The following SNX24 variants were observed in gnomAD, a reference collection of about 807,000 sequenced individuals.
The protein encoded by SNX24 is sorting nexin 24.
In SNX24, 22 loss-of-function variants were observed where a neutral mutation model predicts 28.7. The observed-to-expected ratio is 0.77, with a 90% confidence interval of 0.55 to 1.10. The LOEUF is 1.10. Ranked by LOEUF, SNX24 falls within the 50% of genes least tolerant of loss-of-function variation. SNX24 has a pLI of 0.00. For missense variants in SNX24, 221 were observed against 201.1 expected (o/e 1.10, Z -0.60); for synonymous variants, 69 against 71.5 (o/e 0.96, Z 0.18).
intron 3 of SNX24, among the ~76,000 whole-genome samples, chr5:122,959,273 T>C (rs908629990): frequency 6.6e-6 from 1 of 151,100 alleles, no homozygotes; most frequent in Admixed American, 6.6e-5. Flanking sequence ...TTCATTTAGG[T>C]TATACGATTT....
At chr5:123,018,394 A>G (rs887604223) in intron 5 of SNX24, among the ~76,000 whole-genome samples, 1 of 152,124 alleles carries the variant, frequency 6.6e-6, no homozygotes, top group Non-Finnish European at 1.5e-5. Context: ...GTCATTTTCA[A>G]ATAGAGATAT....
intron 3 of SNX24, among the ~76,000 whole-genome samples, chr5:122,970,335 A>T (rs1286011249): frequency 6.6e-6 from 1 of 151,986 alleles, no homozygotes; most frequent in Non-Finnish European, 1.5e-5. Flanking sequence ...CCCGTTTAGA[A>T]TGCGGCATAC....
At chr5:123,003,505 T>G (rs1466771221) in intron 6 of SNX24, among the ~76,000 whole-genome samples, 3 of 152,212 alleles carry the variant, frequency 2.0e-5, no homozygotes, top group Non-Finnish European at 2.9e-5. Flanking sequence ...CCACAAGCAC[T>G]TTTTCCATGT....
chr5:122,895,623 C>T (rs1223028548), intron 1 of SNX24, among the ~76,000 whole-genome samples: 1 of 152,178 alleles, frequency 6.6e-6, no homozygotes, highest in Non-Finnish European at 1.5e-5. Flanking sequence ...GCAGGGGACA[C>T]GTCTGCAAAG....
chr5:122,917,025 T>G (rs980094914), intron 1 of SNX24, among the ~76,000 whole-genome samples: 3 of 152,020 alleles, frequency 2.0e-5, no homozygotes, highest in Admixed American at 2.0e-4. Flanking sequence ...TCCCAACACT[T>G]TGAGAGGCTG....
intron 1 of SNX24, among the ~76,000 whole-genome samples, chr5:122,909,872 T>C (rs963203377): frequency 6.6e-6 from 1 of 152,228 alleles, no homozygotes; most frequent in Non-Finnish European, 1.5e-5. Context: ...GCAGATCTTG[T>C]AGTAATGACA....
intron 3 of SNX24, among the ~76,000 whole-genome samples, chr5:122,973,646 T>C (rs375200913): frequency 1.3e-5 from 2 of 152,188 alleles, no homozygotes; most frequent in African/African-American, 4.8e-5. Context: ...TTCCATTTAA[T>C]GGTGAAAAGC....
intron 5 of SNX24, among the ~76,000 whole-genome samples, chr5:123,024,818 A>G (rs962256858): frequency 3.3e-5 from 5 of 152,310 alleles, no homozygotes; most frequent in African/African-American, 9.6e-5. Context: ...ATAAAATGAA[A>G]CATGGAAGAG....
chr5:122,981,317 C>T (rs1452023413), intron 3 of SNX24, among the ~76,000 whole-genome samples: 5 of 152,084 alleles, frequency 3.3e-5, no homozygotes, highest in Non-Finnish European at 7.3e-5. Context: ...TTTGGCTGAC[C>T]CAGGAAAAAT....
chr5:123,028,705 G>T, intron 5 of SNX24: 1 of 1,237,112 alleles, frequency 8.1e-7, no homozygotes, highest in South Asian at 1.4e-5. Context: ...TCAACAGACT[G>T]GGTTCATATA....
chr5:122,936,563 C>T lies in SNX24; in HGVS notation c.61-171C>T, dbSNP rs1420225635. Among the ~76,000 whole-genome samples, 5 of 151,978 alleles carry T rather than the reference C, an allele frequency of 3.3e-5. No homozygotes were observed. In the South Asian group the frequency reaches 1.0e-3, roughly 32 times the overall value. ...ACACTTTGTTAGTGAGCCTTTGGTTCGAGTGCTCATTAATCAGTGCTGTTG... is the reference window on the plus strand; with the variant it reads ...ACACTTTGTTAGTGAGCCTTTGGTTTGAGTGCTCATTAATCAGTGCTGTTG... On this transcript the variant is annotated intron_variant, in intron 1 of 6. Transcript: ENST00000261369.
chr5:122,892,958 G>A (rs554578536), intron 1 of SNX24, among the ~76,000 whole-genome samples: 70 of 151,116 alleles, frequency 4.6e-4, no homozygotes, highest in African/African-American at 1.6e-3. Flanking sequence ...TAGAGATGGG[G>A]TTTCACCATG....
intron 1 of SNX24, among the ~76,000 whole-genome samples, chr5:122,934,653 T>C (rs1239814472): frequency 6.6e-6 from 1 of 152,202 alleles, no homozygotes; most frequent in Non-Finnish European, 1.5e-5. Flanking sequence ...CCATTGCGCC[T>C]GGCCGGATTT....
rs1375782890 is a variant in SNX24 at position 123,023,762 on chromosome 5, A to G, written n.384-5476A>G. On this transcript the variant is annotated intron_variant and non_coding_transcript_variant, in intron 5 of 5. Coordinates refer to the SNX24 transcript ENST00000502387. ...TTTCCTGTGATCTGGGATAGAATAC[A>G]AAAAGAAAGTAAAAAAAAAAAAGCA... The G allele has an allele frequency of 4.9e-6, 7 of 1,416,050 alleles. No individual in the cohort carries two copies. The East Asian group carries it at 1.7e-4, about 34-fold the overall frequency. The allele number at this position is 1,416,050 out of a possible 1,614,324, so 87.7% of individuals were successfully genotyped here. A position where few individuals can be genotyped will look rare whatever the true frequency, so the allele number is the denominator to read the frequency against.
intron 1 of SNX24, among the ~76,000 whole-genome samples, chr5:122,887,376 G>T (rs1756765051): frequency 6.6e-6 from 1 of 152,100 alleles, no homozygotes; most frequent in Non-Finnish European, 1.5e-5. Flanking sequence ...TATCTTTACT[G>T]TTCTGCATTT....
At chr5:123,020,068 A>G (rs1437731653) in intron 5 of SNX24, among the ~76,000 whole-genome samples, 3 of 152,192 alleles carry the variant, frequency 2.0e-5, no homozygotes, top group Non-Finnish European at 4.4e-5. Context: ...AGGTATGCTC[A>G]CAGTAGTGAA....
At chr5:122,929,289 C>A (rs1240038913) in intron 1 of SNX24, among the ~76,000 whole-genome samples, 2 of 152,174 alleles carry the variant, frequency 1.3e-5, no homozygotes, top group Non-Finnish European at 2.9e-5. Context: ...TCTTTGCCTG[C>A]TTTCCCTGTA....
chr5:122,945,993 C>T, intron 2 of SNX24, 62 bp from the exon 3 acceptor site: 1 of 842,558 alleles, frequency 1.2e-6, no homozygotes, highest in Non-Finnish European at 1.8e-6. Context: ...AATAATATCA[C>T]TATAATTAAC....
chr5:122,917,199 G>T (rs1385964276), intron 1 of SNX24, among the ~76,000 whole-genome samples: 1 of 151,146 alleles, frequency 6.6e-6, no homozygotes, highest in East Asian at 1.9e-4. Flanking sequence ...GGAGGTTGCA[G>T]TGAGCCGAGA....
Sources: allele counts gnomAD v4.1 joint callset (sites outside exome capture counted in the v4.1 genomes callset), GRCh38; gene constraint gnomAD v4.1.1; transcripts MANE v1.5; gene names NCBI Gene and HGNC (gene_info 2026-07-23, HGNC 2026-07-21).